Variants in LONP2 observed in about 807,000 individuals in gnomAD.
The protein encoded by LONP2 is lon peptidase 2, peroxisomal, also known as lon protease homolog 2, peroxisomal.
Under a neutral mutation model 85.6 loss-of-function variants are expected in LONP2, and 60 were observed. That is an observed-to-expected ratio of 0.70 (90% confidence interval 0.57 to 0.87). The LOEUF (loss-of-function observed/expected upper bound fraction) is 0.87. LONP2 is among the 40% of genes least tolerant of loss of function. The pLI is 0.00. For missense variants in LONP2, 860 were observed against 1,063.5 expected (o/e 0.81, Z 2.66); for synonymous variants, 395 against 389.7 (o/e 1.01, Z -0.16).
chr16:48,342,043 A>C (rs1273147967), intron 12 of LONP2, among the ~76,000 whole-genome samples: 1 of 152,170 alleles, frequency 6.6e-6, no homozygotes, highest in East Asian at 1.9e-4. Context: ...GGCTAGTTTT[A>C]GCAAAAGGAA....
chr16:48,319,029 G>A lies in LONP2; in HGVS notation c.1796-15187G>A, dbSNP rs907957789. On this transcript the variant is annotated intron_variant, in intron 11 of 14. Transcript: ENST00000285737. ...CCAAATCTGAAACATATCCATTCTC[G>A]TCTACGGCCATGAGTGCATTTATGT... Among the ~76,000 whole-genome samples, 12 of 148,914 alleles carry A rather than the reference G, an allele frequency of 8.1e-5. 1 individual carries two copies. The highest frequency in any genetic ancestry group is 6.3e-4 in the South Asian group (3 of 4,740).
At chr16:48,279,853 C>T (rs1879144207) in intron 8 of LONP2, among the ~76,000 whole-genome samples, 2 of 152,096 alleles carry the variant, frequency 1.3e-5, no homozygotes, top group South Asian at 2.1e-4. Flanking sequence ...TTTGAGCTGC[C>T]TCGTGCTTCC....
chr16:48,258,646 G>C lies in LONP2; in HGVS notation c.629G>C (p.Arg210Pro). The change falls in exon 4 of 15, where the codon CGG becomes CCG. Residue 210 changes from arginine (R) to proline (P), a missense_variant. By Grantham distance (103) the Arg-to-Pro change is moderately radical. This residue lies in a region of LONP2 where 743 missense variants were observed against 917.3 expected (regional missense o/e 0.81). Coordinates refer to ENST00000285737, the MANE Select transcript of LONP2 (RefSeq NM_031490.5). ...TTAGATGCTGTGAGCCTAGAGGAGC[G>C]GTTCAAGATGACTATACCACTGCTT... Reference protein sequence around the residue: ...QILDAVSLEERFKMTIPLLVR... With the variant: ...QILDAVSLEEPFKMTIPLLVR... The C allele has an allele frequency of 6.2e-7, 1 of 1,603,978 alleles. No homozygotes were observed. The highest frequency in any genetic ancestry group is 8.5e-7 in the Non-Finnish European group (1 of 1,175,876).
intron 6 of LONP2, among the ~76,000 whole-genome samples, chr16:48,266,134 G>A (rs1453079348): frequency 6.6e-6 from 1 of 151,992 alleles, no homozygotes; most frequent in South Asian, 2.1e-4. Flanking sequence ...CTCACGAGTA[G>A]CCTTAAATAC....
Position 48,270,205 on chromosome 16 carries a change from C to T in LONP2, c.1172C>T (p.Thr391Ile). The change falls in exon 7 of 15, where the codon ACT becomes ATT. Residue 391 changes from threonine to isoleucine, a missense_variant. Around this residue, in one of 3 missense-constraint regions of LONP2, gnomAD observed 743 missense variants for 917.3 expected, o/e 0.81. Transcript: ENST00000285737. ...KTSVGRSVAK[T>I]LGREFHRIAL... ...AGTGTGGGAAGATCAGTGGCCAAGA[C>T]TCTAGGTCGAGAGTTCCACAGGATT... The T allele has an allele frequency of 1.2e-6, 2 of 1,614,056 alleles. No individual in the cohort carries two copies. The highest frequency in any genetic ancestry group is 1.7e-6 in the Non-Finnish European group (2 of 1,179,952).
intron 11 of LONP2, among the ~76,000 whole-genome samples, chr16:48,328,593 A>G (rs1366971781): frequency 6.6e-6 from 1 of 150,716 alleles, no homozygotes. Context: ...CAGGAGAATC[A>G]CTTGAACCCA....
At chr16:48,274,201 C>T (rs16946046) in intron 7 of LONP2, among the ~76,000 whole-genome samples, 2,086 of 152,292 alleles carry the variant, frequency 0.014, 48 homozygotes, top group African/African-American at 0.047. Flanking sequence ...GTTATGATTT[C>T]ACTCTTCTCT....
At chr16:48,308,591 C>T (rs1972962047) in intron 11 of LONP2, among the ~76,000 whole-genome samples, 1 of 147,346 alleles carries the variant, frequency 6.8e-6, no homozygotes, top group African/African-American at 2.5e-5. Flanking sequence ...CGCGCCATTG[C>T]ACTCCAGTGT....
chr16:48,317,289 G>A (rs1203177977), intron 11 of LONP2, among the ~76,000 whole-genome samples: 1 of 152,018 alleles, frequency 6.6e-6, no homozygotes, highest in African/African-American at 2.4e-5. Context: ...CCTTCTTTTT[G>A]GTTTCTTCCT....
intron 9 of LONP2, 87 bp from the exon 10 acceptor site, chr16:48,299,575 C>G: frequency 7.0e-7 from 1 of 1,427,452 alleles, no homozygotes; most frequent in Non-Finnish European, 9.6e-7. Context: ...GAGCAAGACT[C>G]TGTCTCTAAA....
At chr16:48,278,016 A>T (rs1972250459) in intron 8 of LONP2, among the ~76,000 whole-genome samples, 1 of 150,202 alleles carries the variant, frequency 6.7e-6, no homozygotes, top group Non-Finnish European at 1.5e-5. Flanking sequence ...CGCAATAAGA[A>T]TTTTTTTCTT....
At chr16:48,337,081 T>C (rs1269888868) in intron 12 of LONP2, among the ~76,000 whole-genome samples, 1 of 152,226 alleles carries the variant, frequency 6.6e-6, no homozygotes, top group Non-Finnish European at 1.5e-5. Context: ...AATTCCATTT[T>C]ACATACAAGG....
intron 1 of LONP2, among the ~76,000 whole-genome samples, chr16:48,249,721 GA>G (rs1045303520): frequency 2.0e-4 from 30 of 151,276 alleles, no homozygotes; most frequent in Non-Finnish European, 3.2e-4. Context: ...GTTAAAAAAA[GA>G]AAAAAAAATT....
Position 48,351,569 on chromosome 16 carries a change from C to T in LONP2, c.2338-12C>T, listed in dbSNP as rs768987720. The T allele has an allele frequency of 3.9e-5, 62 of 1,604,838 alleles. No individual in the cohort carries two copies. Among genetic ancestry groups the T allele is most frequent in the Non-Finnish European group, 5.2e-5 (61 of 1,175,610 alleles). On this transcript the variant is annotated splice_polypyrimidine_tract_variant and intron_variant, in intron 14 of 14. Transcript: ENST00000285737. ...GATCATTAACCCTAAAAACTTTTTT[C>T]TCTCCTTACAGGTGGGTGGAATTAA...
At chr16:48,303,623 C>T (rs1042115083) in intron 11 of LONP2, among the ~76,000 whole-genome samples, 2 of 152,146 alleles carry the variant, frequency 1.3e-5, no homozygotes, top group African/African-American at 2.4e-5. Flanking sequence ...GGAGTATTAA[C>T]TCACACAATC....
intron 7 of LONP2, among the ~76,000 whole-genome samples, chr16:48,271,748 A>G (rs1245753004): frequency 2.6e-5 from 4 of 152,132 alleles, no homozygotes; most frequent in African/African-American, 4.8e-5. Context: ...TTTAAAAAAG[A>G]CTCATCACAA....
intron 11 of LONP2, among the ~76,000 whole-genome samples, chr16:48,309,039 A>G (rs1443252480): frequency 6.6e-6 from 1 of 152,192 alleles, no homozygotes; most frequent in Non-Finnish European, 1.5e-5. Flanking sequence ...GTGGCCAGGA[A>G]GCATTTGAAA....
chr16:48,274,240 C>T (rs563846036), intron 7 of LONP2, among the ~76,000 whole-genome samples: 17 of 152,184 alleles, frequency 1.1e-4, no homozygotes, highest in African/African-American at 2.9e-4. Flanking sequence ...GCTCCTTTAT[C>T]GAATACGGGC....
intron 1 of LONP2, among the ~76,000 whole-genome samples, chr16:48,249,326 T>C (rs1455083480): frequency 2.0e-5 from 3 of 152,212 alleles, no homozygotes; most frequent in African/African-American, 7.2e-5. Context: ...ATGCTGCCTT[T>C]TGAGCATGCC....
Sources: allele counts gnomAD v4.1 joint callset (sites outside exome capture counted in the v4.1 genomes callset), GRCh38; gene constraint gnomAD v4.1.1; regional missense constraint gnomAD v4.1.1; transcripts MANE v1.5; gene names NCBI Gene and HGNC (gene_info 2026-07-23, HGNC 2026-07-21).